The following CNTNAP5 variants were observed in gnomAD, a reference collection of about 807,000 sequenced individuals.
CNTNAP5 encodes contactin associated protein family member 5, also known as contactin-associated protein-like 5.
A neutral mutation model predicts 150.2 loss-of-function variants in CNTNAP5; 72 were observed. The observed-to-expected ratio is 0.48, with a 90% CI of 0.40 to 0.58. CNTNAP5 has a LOEUF of 0.58. Ranked by LOEUF, CNTNAP5 falls within the 20% of genes least tolerant of loss-of-function variation. CNTNAP5 has a pLI of 0.00. For missense variants in CNTNAP5, 1,636 were observed against 1,626.2 expected (o/e 1.01, Z -0.10); for synonymous variants, 672 against 619.8 (o/e 1.08, Z -1.25).
intron 3 of CNTNAP5, among the ~76,000 whole-genome samples, chr2:124,340,790 C>CAT (rs1251417494): frequency 2.2e-5 from 3 of 136,020 alleles, no homozygotes; most frequent in Non-Finnish European, 4.7e-5. Context: ...TATACACATA[C>CAT]ATATATATAT....
intron 3 of CNTNAP5, among the ~76,000 whole-genome samples, chr2:124,268,710 C>G (rs1007558305): frequency 2.0e-5 from 3 of 152,148 alleles, no homozygotes; most frequent in Non-Finnish European, 2.9e-5. Flanking sequence ...TCACTGGGGG[C>G]CAAGCTTACA....
At chr2:124,685,752 G>A (rs187884942) in intron 13 of CNTNAP5, among the ~76,000 whole-genome samples, 31 of 127,010 alleles carry the variant, frequency 2.4e-4, no homozygotes, top group Admixed American at 2.0e-3. Flanking sequence ...GTGTGTGTGT[G>A]TGTGTGTGTG....
At chr2:124,909,824 G>GATATATATATAT (rs1203121251) in intron 22 of CNTNAP5, among the ~76,000 whole-genome samples, 328 of 29,184 alleles carry the variant, frequency 0.011, 6 homozygotes, top group African/African-American at 0.03. Context: ...ATCAATTGGT[G>GATATATATATAT]ACATATATAT....
intron 17 of CNTNAP5, among the ~76,000 whole-genome samples, chr2:124,787,495 A>T (rs1284988342): frequency 6.6e-6 from 1 of 152,038 alleles, no homozygotes; most frequent in South Asian, 2.1e-4. Context: ...GTATTCTATA[A>T]ATCATTACTT....
rs71387242 is a variant in CNTNAP5 at position 124,724,923 on chromosome 2, C to CTTTT, written c.2078-22288_2078-22285dup. On this transcript the variant is annotated intron_variant, in intron 13 of 23. Coordinates refer to ENST00000682447, the MANE Select transcript of CNTNAP5 (RefSeq NM_001367498.1). The stretch of plus-strand genomic sequence containing the variant: ...CTTTTTTCAAGGGAAATTCCCTTAG[C>CTTTT]TTTTTTTTTTTTTTTTTTTTTAAAG... 4.6e-3 allele frequency among the ~76,000 whole-genome samples: 512 copies of CTTTT among 111,468 alleles called. 7 individuals carry two copies. Among genetic ancestry groups the CTTTT allele is most frequent in the African/African-American group, 8.8e-3 (264 of 29,986 alleles). 73.1% of individuals were successfully genotyped at this position (111,468 alleles called of 152,430 possible).
intron 7 of CNTNAP5, among the ~76,000 whole-genome samples, chr2:124,495,310 T>C (rs1694118207): frequency 3.3e-5 from 5 of 152,186 alleles, no homozygotes; most frequent in African/African-American, 1.2e-4. Flanking sequence ...GAAGTGAAAG[T>C]AGAGTGTCAA....
chr2:124,724,382 C>T (rs998840368), intron 13 of CNTNAP5, among the ~76,000 whole-genome samples: 1 of 152,012 alleles, frequency 6.6e-6, no homozygotes, highest in African/African-American at 2.4e-5. Context: ...GGGGCATCAC[C>T]CTCCAGGAAC....
chr2:124,066,404 G>GT (rs1445032345), intron 1 of CNTNAP5, among the ~76,000 whole-genome samples: 1 of 152,272 alleles, frequency 6.6e-6, no homozygotes. Context: ...CTAGTGATGA[G>GT]TTTTTTCCCC....
At chr2:124,581,935 C>T (rs1696423962) in intron 11 of CNTNAP5, among the ~76,000 whole-genome samples, 1 of 152,186 alleles carries the variant, frequency 6.6e-6, no homozygotes, top group African/African-American at 2.4e-5. Flanking sequence ...GACAGAGGAA[C>T]ATTCTTAAGC....
intron 13 of CNTNAP5, among the ~76,000 whole-genome samples, chr2:124,745,792 A>T (rs181867376): frequency 6.6e-6 from 1 of 152,254 alleles, no homozygotes; most frequent in East Asian, 1.9e-4. Flanking sequence ...TGCTTCATGA[A>T]TCAGCACCCC....
chr2:124,772,936 G>A lies in CNTNAP5; in HGVS notation c.2671G>A (p.Val891Met). 1.2e-6 allele frequency: 2 copies of A among 1,613,772 alleles called. No individual in the cohort carries two copies. The highest frequency in any genetic ancestry group is 1.7e-6 in the Non-Finnish European group (2 of 1,179,744). The change falls in exon 17 of 24, where the codon GTG becomes ATG. Residue 891 changes from valine to methionine, a missense_variant. Coordinates refer to ENST00000682447, the MANE Select transcript of CNTNAP5 (RefSeq NM_001367498.1). ...ERNLKETSLQ[V>M]DNLPRSTRET... ...GAACCTCAAGGAGACCTCCCTGCAG[G>A]TGGACAACCTTCCAAGGAGCACCAG...
intron 19 of CNTNAP5, among the ~76,000 whole-genome samples, chr2:124,864,273 G>A (rs549980614): frequency 1.2e-3 from 178 of 152,202 alleles, no homozygotes; most frequent in Non-Finnish European, 2.0e-3. Flanking sequence ...GGTACATAGA[G>A]ATGTTTCAAT....
At chr2:124,623,113 G>C (rs1677651799) in intron 12 of CNTNAP5, among the ~76,000 whole-genome samples, 1 of 152,072 alleles carries the variant, frequency 6.6e-6, no homozygotes, top group Non-Finnish European at 1.5e-5. Context: ...CTACTATGTT[G>C]AATCAATATT....
At position 124,049,259 on chromosome 2, in the gene CNTNAP5, G is replaced by T. The variant is rs146064514; in HGVS notation, c.82+23527G>T. On this transcript the variant is annotated intron_variant, in intron 1 of 23. Coordinates refer to ENST00000682447, the MANE Select transcript of CNTNAP5 (RefSeq NM_001367498.1). ...GAAATGAGGTGGGAAACTATTCATT[G>T]CCATCAGGAAGGCTTCATGTTGCTC... Among the ~76,000 whole-genome samples, 499 of 152,280 alleles carry T rather than the reference G, an allele frequency of 3.3e-3. 3 individuals carry two copies. The highest frequency in any genetic ancestry group is 5.7e-3 in the Non-Finnish European group (389 of 68,028).
chr2:124,347,342 G>A (rs543028941), intron 3 of CNTNAP5, among the ~76,000 whole-genome samples: 2 of 152,202 alleles, frequency 1.3e-5, no homozygotes, highest in African/African-American at 4.8e-5. Context: ...ACTGCAGAGC[G>A]TGACAGAGTC....
intron 1 of CNTNAP5, among the ~76,000 whole-genome samples, chr2:124,183,322 G>A (rs1015835805): frequency 6.6e-6 from 1 of 152,146 alleles, no homozygotes; most frequent in African/African-American, 2.4e-5. Flanking sequence ...AGAAGGGAAT[G>A]TTCTCTACTA....
chr2:124,317,695 C>T (rs1206269682), intron 3 of CNTNAP5, among the ~76,000 whole-genome samples: 2 of 152,106 alleles, frequency 1.3e-5, no homozygotes, highest in Non-Finnish European at 2.9e-5. Flanking sequence ...AGTCTAAGAG[C>T]CAGTTGAGAT....
rs1278228219 is a variant in CNTNAP5, at chr2:124,763,720, TC to T, written c.2284del (p.Gln762ArgfsTer2). ...LSFKDHLPVT[Q>X]IVITDTDRSN... ...CCTTCAAAGACCACTTGCCTGTCAC[TC>T]AGATAGTTATCACTGATACCGACAG... On this transcript the variant is annotated frameshift_variant, in exon 15 of 24. Transcript: ENST00000682447. LOFTEE classifies it high-confidence loss of function. 1 of 1,613,000 alleles carries T rather than the reference TC, an allele frequency of 6.2e-7. No homozygotes were observed.
At chr2:124,832,539 G>C (rs1295792697) in intron 19 of CNTNAP5, among the ~76,000 whole-genome samples, 1 of 152,050 alleles carries the variant, frequency 6.6e-6, no homozygotes, top group Admixed American at 6.6e-5. Context: ...GACCCAATAG[G>C]TAATCTAATG....
Sources: gnomAD v4.1 joint callset for allele counts (sites outside exome capture counted in the v4.1 genomes callset) on GRCh38, gnomAD v4.1.1 for gene constraint, MANE v1.5 for transcripts, NCBI Gene and HGNC (gene_info 2026-07-23, HGNC 2026-07-21) for gene names.